THADA: variants seen among roughly 807,000 people sequenced by gnomAD.
THADA encodes THADA armadillo repeat containing, also known as tRNA (32-2'-O)-methyltransferase regulator THADA.
Under a neutral mutation model 219.8 loss-of-function variants are expected in THADA, and 213 were observed. The observed-to-expected ratio is 0.97, with a 90% CI of 0.87 to 1.09. THADA has a LOEUF of 1.09. Ranked by LOEUF, THADA falls within the 50% of genes least tolerant of loss-of-function variation. The pLI is 0.00. For synonymous variants in THADA, 1,018 were observed against 828.9 expected (o/e 1.23, Z -3.92); for missense variants, 2,956 against 2,311.3 (o/e 1.28, Z -5.72).
intron 36 of THADA, among the ~76,000 whole-genome samples, chr2:43,259,427 T>A (rs1670690173): frequency 6.6e-6 from 1 of 152,258 alleles, no homozygotes; most frequent in South Asian, 2.1e-4. Context: ...TCCATCCTAC[T>A]CTGACTGCAC....
intron 28 of THADA, among the ~76,000 whole-genome samples, chr2:43,411,929 GT>G (rs1277410698): frequency 1.3e-5 from 2 of 152,142 alleles, no homozygotes; most frequent in Non-Finnish European, 2.9e-5. Context: ...TGGTGATTGT[GT>G]TTTAAGATGG....
At chr2:43,537,748 C>T (rs564475313) in intron 21 of THADA, among the ~76,000 whole-genome samples, 1 of 151,986 alleles carries the variant, frequency 6.6e-6, no homozygotes, top group Non-Finnish European at 1.5e-5. Context: ...GGGAGGATCG[C>T]TTTAGTCCAG....
chr2:43,310,758 C>T (rs1227063752), intron 31 of THADA, among the ~76,000 whole-genome samples: 1 of 152,108 alleles, frequency 6.6e-6, no homozygotes. Flanking sequence ...AACTTTTGTC[C>T]ATCAAAGGAT....
intron 28 of THADA, among the ~76,000 whole-genome samples, chr2:43,410,875 T>A (rs115256682): frequency 0.025 from 3,762 of 152,256 alleles, 103 homozygotes; most frequent in African/African-American, 0.068. Flanking sequence ...TGTACCCCAA[T>A]AAAGTTGTTT....
chr2:43,561,988 CA>C (rs1406444631), intron 15 of THADA, among the ~76,000 whole-genome samples: 16 of 152,208 alleles, frequency 1.1e-4, no homozygotes, highest in African/African-American at 3.6e-4. Flanking sequence ...GCCTTTTCTG[CA>C]AAAATTGAGA....
intron 36 of THADA, among the ~76,000 whole-genome samples, chr2:43,235,298 G>T (rs930398677): frequency 1.7e-4 from 25 of 151,442 alleles, no homozygotes; most frequent in African/African-American, 6.1e-4. Context: ...TTTTGTTGTT[G>T]TTGTTTTGTC....
chr2:43,329,031 G>A (rs1316570513), intron 30 of THADA, among the ~76,000 whole-genome samples: 2 of 152,160 alleles, frequency 1.3e-5, no homozygotes, highest in Non-Finnish European at 2.9e-5. Flanking sequence ...CTTGGTGTGG[G>A]GCTTGGGATT....
chr2:43,364,376 C>T (rs1669884238), intron 29 of THADA, among the ~76,000 whole-genome samples: 2 of 152,318 alleles, frequency 1.3e-5, no homozygotes, highest in Non-Finnish European at 1.5e-5. Flanking sequence ...GCACTACTAA[C>T]GTTCCCCAAA....
chr2:43,584,588 C>T lies in THADA; in HGVS notation c.533+1813G>A, dbSNP rs72867080. On this transcript the variant is annotated intron_variant, in intron 7 of 37. Coordinates refer to ENST00000405975, the MANE Select transcript of THADA (RefSeq NM_022065.5). The stretch of plus-strand genomic sequence containing the variant: ...AAACCAACAGCCATGGGATTGAAAA[C>T]GTAAAAAGATAAATTCTTAAAGGCA... Among the ~76,000 whole-genome samples the T allele has an allele frequency of 8.4e-3, 1,276 of 152,216 alleles. 16 individuals are homozygous for T. Among genetic ancestry groups the T allele is most frequent in the African/African-American group, 0.026 (1,071 of 41,526 alleles).
intron 30 of THADA, among the ~76,000 whole-genome samples, chr2:43,332,870 T>A (rs1665950648): frequency 6.6e-6 from 1 of 152,112 alleles, no homozygotes; most frequent in Non-Finnish European, 1.5e-5. Flanking sequence ...GCATCAGCAG[T>A]TGGGGGTTGA....
At chr2:43,376,982 G>C (rs1454410995) in intron 29 of THADA, among the ~76,000 whole-genome samples, 2 of 152,164 alleles carry the variant, frequency 1.3e-5, no homozygotes, top group Non-Finnish European at 2.9e-5. Context: ...CCTCAGGTCT[G>C]TTTTCCCATT....
intron 12 of THADA, among the ~76,000 whole-genome samples, chr2:43,572,372 C>A (rs1428793432): frequency 6.6e-6 from 1 of 152,196 alleles, no homozygotes; most frequent in Non-Finnish European, 1.5e-5. Flanking sequence ...ACACTCCACC[C>A]CTGATAAGCA....
At chr2:43,566,905 G>A in intron 14 of THADA, 84 bp from the exon 15 acceptor site, 1 of 937,848 alleles carries the variant, frequency 1.1e-6, no homozygotes, top group Non-Finnish European at 1.4e-6. Context: ...TTTAAGAGTG[G>A]GTGTTTTTGT....
chr2:43,384,262 T>C (rs542935247), intron 29 of THADA, among the ~76,000 whole-genome samples: 2 of 152,268 alleles, frequency 1.3e-5, no homozygotes, highest in South Asian at 4.1e-4. Context: ...TCAAGACACA[T>C]TTACTGAACA....
chr2:43,532,871 G>A (rs962089218), intron 21 of THADA, among the ~76,000 whole-genome samples: 5 of 152,072 alleles, frequency 3.3e-5, no homozygotes, highest in African/African-American at 4.8e-5. Flanking sequence ...AAGCAACTGC[G>A]ACAAAAGCCA....
chr2:43,368,801 A>G (rs972836724), intron 29 of THADA, among the ~76,000 whole-genome samples: 1 of 152,128 alleles, frequency 6.6e-6, no homozygotes, highest in Non-Finnish European at 1.5e-5. Flanking sequence ...ACTCAAACAT[A>G]GTTTTTTCTC....
chr2:43,504,834 C>T (rs945930487), intron 24 of THADA, among the ~76,000 whole-genome samples: 3 of 152,052 alleles, frequency 2.0e-5, no homozygotes, highest in Non-Finnish European at 2.9e-5. Flanking sequence ...CAGTGAGCCA[C>T]GATCGCACCA....
intron 15 of THADA, chr2:43,562,774 A>G (rs1465607252): frequency 6.6e-6 from 1 of 152,002 alleles, no homozygotes; most frequent in African/African-American, 2.4e-5. Context: ...GTCTGCTCAC[A>G]TTTTCTATTT....
intron 36 of THADA, among the ~76,000 whole-genome samples, chr2:43,276,313 G>A (rs996625308): frequency 2.6e-5 from 4 of 152,176 alleles, no homozygotes; most frequent in Admixed American, 1.3e-4. Flanking sequence ...TGCAGGGAGA[G>A]AGTTGTTAAC....
Sources: allele counts gnomAD v4.1 joint callset (sites outside exome capture counted in the v4.1 genomes callset), GRCh38; gene constraint gnomAD v4.1.1; transcripts MANE v1.5; gene names NCBI Gene and HGNC (gene_info 2026-07-23, HGNC 2026-07-21).